The following LUZP2 variants were observed in gnomAD, a reference collection of about 807,000 sequenced individuals.
LUZP2 encodes leucine zipper protein 2.
LUZP2 carries 52 observed loss-of-function variants against 51.6 expected under a neutral mutation model. The observed-to-expected ratio is 1.01, with a 90% CI of 0.81 to 1.27. The LOEUF (loss-of-function observed/expected upper bound fraction) is 1.27. LUZP2 is among the 50% of genes most tolerant of loss of function. The pLI is 0.00. For synonymous variants in LUZP2, 154 were observed against 137.3 expected (o/e 1.12, Z -0.85); for missense variants, 436 against 395.4 (o/e 1.10, Z -0.87).
intron 4 of LUZP2, among the ~76,000 whole-genome samples, chr11:24,761,637 A>G (rs2716530): frequency 0.66 from 99,691 of 151,950 alleles, 33,009 homozygotes; most frequent in Non-Finnish European, 0.68. Context: ...AATCTATCTC[A>G]TTTAAACCAC....
rs185086257 is a variant in LUZP2 at position 24,688,679 on chromosome 11, G to A, written c.63-40490G>A. 2.6e-3 allele frequency among the ~76,000 whole-genome samples: 395 copies of A among 152,116 alleles called. 1 individual carries two copies. Among genetic ancestry groups the A allele is most frequent in the African/African-American group, 9.3e-3 (386 of 41,466 alleles). On this transcript the variant is annotated intron_variant, in intron 1 of 11. Coordinates refer to ENST00000336930, the MANE Select transcript of LUZP2 (RefSeq NM_001009909.4). ...ACACTTTTACCACTATTGACTCAAT[G>A]GTCTGGTAGATCACTGCATATAATT...
At chr11:24,921,475 G>A (rs1854051210) in intron 7 of LUZP2, among the ~76,000 whole-genome samples, 1 of 152,116 alleles carries the variant, frequency 6.6e-6, no homozygotes, top group Non-Finnish European at 1.5e-5. Flanking sequence ...AGGAGAAGAT[G>A]GCGGGAATTG....
intron 1 of LUZP2, among the ~76,000 whole-genome samples, chr11:24,560,156 A>T (rs17234826): frequency 0.19 from 29,033 of 152,136 alleles, 3,400 homozygotes; most frequent in Middle Eastern, 0.34. Context: ...CTGCTGGACT[A>T]CATAAGAGAA....
At chr11:24,794,199 A>C (rs1849485358) in intron 5 of LUZP2, among the ~76,000 whole-genome samples, 1 of 152,136 alleles carries the variant, frequency 6.6e-6, no homozygotes, top group African/African-American at 2.4e-5. Flanking sequence ...AGTGCCATTA[A>C]ACCTTGACCA....
intron 1 of LUZP2, among the ~76,000 whole-genome samples, chr11:24,548,842 A>G (rs1263761559): frequency 6.6e-6 from 1 of 152,038 alleles, no homozygotes; most frequent in Non-Finnish European, 1.5e-5. Context: ...ATATCAAATG[A>G]TATGAGAAGT....
chr11:24,827,744 C>A (rs1007204357), intron 5 of LUZP2, among the ~76,000 whole-genome samples: 5 of 152,044 alleles, frequency 3.3e-5, no homozygotes, highest in African/African-American at 1.2e-4. Flanking sequence ...GGACCTGGGG[C>A]TCTGCATTTA....
chr11:24,499,878 G>A (rs1306152416), intron 1 of LUZP2, among the ~76,000 whole-genome samples: 2 of 152,080 alleles, frequency 1.3e-5, no homozygotes, highest in Non-Finnish European at 2.9e-5. Flanking sequence ...AAAGTAATCT[G>A]TTCAGTGAAA....
chr11:24,769,945 A>C (rs1049359749), intron 5 of LUZP2, among the ~76,000 whole-genome samples: 1 of 152,056 alleles, frequency 6.6e-6, no homozygotes, highest in Non-Finnish European at 1.5e-5. Flanking sequence ...GACATGCACC[A>C]GCACCCCCGG....
intron 5 of LUZP2, among the ~76,000 whole-genome samples, chr11:24,876,312 A>G (rs1405823598): frequency 2.0e-5 from 3 of 148,836 alleles, no homozygotes; most frequent in Admixed American, 6.7e-5. Flanking sequence ...AGCTTTCTAC[A>G]TATGGCTAGC....
chr11:25,012,444 G>C (rs1857013496), intron 9 of LUZP2, among the ~76,000 whole-genome samples: 1 of 152,146 alleles, frequency 6.6e-6, no homozygotes. Flanking sequence ...TTTAGAACTA[G>C]AAAGGTGTTC....
intron 5 of LUZP2, among the ~76,000 whole-genome samples, chr11:24,884,224 T>C (rs111405715): frequency 3.3e-5 from 5 of 152,140 alleles, no homozygotes; most frequent in African/African-American, 1.2e-4. Flanking sequence ...TACATGCATC[T>C]GGGATTAGAC....
At chr11:25,054,293 C>T (rs997941723) in intron 10 of LUZP2, among the ~76,000 whole-genome samples, 1 of 152,122 alleles carries the variant, frequency 6.6e-6, no homozygotes, top group Non-Finnish European at 1.5e-5. Context: ...ACCTGAAGTC[C>T]TAATTTGTGT....
chr11:24,871,703 T>C (rs970716771), intron 5 of LUZP2, among the ~76,000 whole-genome samples: 1 of 152,030 alleles, frequency 6.6e-6, no homozygotes, highest in African/African-American at 2.4e-5. Context: ...GAATCTTTCA[T>C]AGAGCCAGTA....
chr11:24,969,182 C>T (rs1453005729), intron 7 of LUZP2, among the ~76,000 whole-genome samples: 1 of 152,098 alleles, frequency 6.6e-6, no homozygotes, highest in Middle Eastern at 3.2e-3. Context: ...CTCAAGTAGA[C>T]TCTAGTGTCT....
intron 5 of LUZP2, among the ~76,000 whole-genome samples, chr11:24,833,710 G>GCA (rs140351361): frequency 7.1e-6 from 1 of 141,418 alleles, no homozygotes; most frequent in African/African-American, 2.8e-5. Context: ...CACCGCGCGC[G>GCA]CGCACACACA....
chr11:24,571,853 G>A (rs1314485940), intron 1 of LUZP2, among the ~76,000 whole-genome samples: 2 of 151,956 alleles, frequency 1.3e-5, no homozygotes, highest in African/African-American at 2.4e-5. Flanking sequence ...GGAAATTATA[G>A]CTTGTGATTA....
chr11:24,652,048 T>C (rs1394382163), intron 1 of LUZP2, among the ~76,000 whole-genome samples: 1 of 146,024 alleles, frequency 6.8e-6, no homozygotes, highest in Non-Finnish European at 1.5e-5. Flanking sequence ...TGTACACATG[T>C]TGTATATGTG....
intron 1 of LUZP2, among the ~76,000 whole-genome samples, chr11:24,692,601 T>A (rs1043008863): frequency 1.3e-5 from 2 of 152,086 alleles, no homozygotes; most frequent in Non-Finnish European, 2.9e-5. Context: ...GCATATTTAG[T>A]GGCATTATTT....
chr11:24,693,670 C>T (rs1488540171), intron 1 of LUZP2, among the ~76,000 whole-genome samples: 2 of 151,906 alleles, frequency 1.3e-5, no homozygotes, highest in East Asian at 3.9e-4. Context: ...TTTTTCTGTA[C>T]TGCATAGAAG....
Sources: allele counts gnomAD v4.1 joint callset (sites outside exome capture counted in the v4.1 genomes callset), GRCh38; gene constraint gnomAD v4.1.1; transcripts MANE v1.5; gene names NCBI Gene and HGNC (gene_info 2026-07-23, HGNC 2026-07-21).